PHF24: variants seen among roughly 807,000 people sequenced by gnomAD.
PHF24 encodes Galpha inhibitory interacting protein.
A neutral mutation model predicts 42.6 loss-of-function variants in PHF24; 25 were observed. That is an observed-to-expected ratio of 0.59 (90% CI 0.43 to 0.82). The LOEUF is 0.82. PHF24 is among the 40% of genes least tolerant of loss of function. The pLI is 0.00. For synonymous variants in PHF24, 185 were observed against 204.8 expected (o/e 0.90, Z 0.83); for missense variants, 470 against 538.1 (o/e 0.87, Z 1.25).
At chr9:34,806,498 A>G in the PHF24 span, among the ~76,000 whole-genome samples, 24 of 152,286 alleles carry the variant, frequency 1.6e-4, no homozygotes, top group South Asian at 1.0e-3. Context: ...TCACTCTGTC[A>G]CCCAGGCTGG....
At chr9:34,956,191 T>C (rs746012860), upstream of PHF24, among the ~76,000 whole-genome samples, 4 of 152,210 alleles carry the variant, frequency 2.6e-5, no homozygotes, top group Admixed American at 6.5e-5. Context: ...GGGAAAGTAC[T>C]GTGTCTTACT....
the PHF24 span, among the ~76,000 whole-genome samples, chr9:34,911,978 A>G: frequency 6.6e-6 from 1 of 152,262 alleles, no homozygotes; most frequent in South Asian, 2.1e-4. Context: ...AGGAACAGAT[A>G]GCAAAAACTG....
At chr9:34,886,750 A>ATCTGTCTGTCTGTCTG in the PHF24 span, among the ~76,000 whole-genome samples, 276 of 146,682 alleles carry the variant, frequency 1.9e-3, 1 homozygote, top group African/African-American at 6.6e-3. Flanking sequence ...CTATCTATCT[A>ATCTGTCTGTCTGTCTG]TCTATCTGTC....
At chr9:34,670,317 G>A in the PHF24 span, among the ~76,000 whole-genome samples, 3 of 152,180 alleles carry the variant, frequency 2.0e-5, no homozygotes, top group Non-Finnish European at 2.9e-5. Flanking sequence ...CCAGAAATGT[G>A]GGTGGCTTGG....
chr9:34,710,099 C>T, the PHF24 span: 6 of 1,600,556 alleles, frequency 3.7e-6, no homozygotes, highest in Non-Finnish European at 5.1e-6. Context: ...GAGGCCAGAG[C>T]TGAGGGTGAG....
chr9:34,898,109 A>G, the PHF24 span, among the ~76,000 whole-genome samples: 36 of 152,254 alleles, frequency 2.4e-4, no homozygotes, highest in South Asian at 3.1e-3. Flanking sequence ...CGTTTTTGCG[A>G]TTGCAAATTG....
chr9:34,924,994 T>C, the PHF24 span, among the ~76,000 whole-genome samples: 2 of 152,198 alleles, frequency 1.3e-5, no homozygotes, highest in African/African-American at 4.8e-5. Context: ...GTAATCATCT[T>C]TTCAATTCCA....
At chr9:34,742,382 G>A in the PHF24 span, among the ~76,000 whole-genome samples, 1 of 152,078 alleles carries the variant, frequency 6.6e-6, no homozygotes, top group Non-Finnish European at 1.5e-5. Context: ...CTCTGACCGT[G>A]GCCCAGTCTT....
chr9:34,940,731 G>T, the PHF24 span, among the ~76,000 whole-genome samples: 1 of 152,188 alleles, frequency 6.6e-6, no homozygotes, highest in African/African-American at 2.4e-5. Context: ...TCTCCAGCTG[G>T]AGTTGTGTAA....
rs1362384690 is a variant in PHF24 at position 34,977,527 on chromosome 9, G to A, written c.1011-19G>A. 3.1e-6 allele frequency: 5 copies of A among 1,596,344 alleles called. No homozygotes were observed. Among genetic ancestry groups the A allele is most frequent in the African/African-American group, 2.7e-5 (2 of 74,436 alleles). On this transcript the variant is annotated intron_variant, in intron 6 of 7. Coordinates refer to ENST00000242315, the Ensembl canonical transcript of PHF24. ...ATTTCACTATCCCACTCCTAACCAC[G>A]TGTCCTCATGCCCAGCAGCATCAGC...
the PHF24 span, among the ~76,000 whole-genome samples, chr9:34,788,227 G>T: frequency 6.6e-6 from 1 of 152,204 alleles, no homozygotes; most frequent in East Asian, 1.9e-4. Context: ...ATTTTTAGTA[G>T]AGACAAGGTC....
At chr9:34,933,804 C>A in the PHF24 span, among the ~76,000 whole-genome samples, 1 of 151,172 alleles carries the variant, frequency 6.6e-6, no homozygotes, top group Non-Finnish European at 1.5e-5. Flanking sequence ...GACAGAGTCT[C>A]GCTCTGTCAC....
chr9:34,970,522 T>A (rs918256844), intron 1 of PHF24, among the ~76,000 whole-genome samples: 7 of 152,176 alleles, frequency 4.6e-5, no homozygotes, highest in African/African-American at 1.7e-4. Context: ...CAGAGTTTCC[T>A]TACTGACTAA....
chr9:34,730,209 TTTTG>T, the PHF24 span, among the ~76,000 whole-genome samples: 29 of 152,314 alleles, frequency 1.9e-4, no homozygotes, highest in Admixed American at 1.2e-3. Context: ...AGGATGTTTT[TTTTG>T]TTTGTTTGTT....
the PHF24 span, among the ~76,000 whole-genome samples, chr9:34,858,552 G>A: frequency 3.0e-4 from 46 of 152,332 alleles, no homozygotes; most frequent in Admixed American, 2.7e-3. Context: ...GGGTGAGGAT[G>A]TAAGAACCAT....
the PHF24 span, among the ~76,000 whole-genome samples, chr9:34,939,549 TGTCA>T: frequency 3.9e-5 from 6 of 152,202 alleles, no homozygotes; most frequent in Non-Finnish European, 7.3e-5. Flanking sequence ...CAGAGTTGTC[TGTCA>T]GAGGAGTCCT....
the PHF24 span, among the ~76,000 whole-genome samples, chr9:34,914,952 ATT>A: frequency 0.79 from 93,668 of 118,506 alleles, 37,196 homozygotes; most frequent in Middle Eastern, 0.88. Context: ...TGCCTGGCTA[ATT>A]TTTTTTTTTT....
chr9:34,825,118 T>C, the PHF24 span, among the ~76,000 whole-genome samples: 2 of 152,008 alleles, frequency 1.3e-5, no homozygotes, highest in African/African-American at 4.8e-5. Context: ...TTCTTCATGG[T>C]TTCCCGAGGA....
the PHF24 span, among the ~76,000 whole-genome samples, chr9:34,681,948 C>CA: frequency 7.2e-5 from 11 of 152,302 alleles, no homozygotes; most frequent in African/African-American, 2.7e-4. Flanking sequence ...TTGCAAGCCA[C>CA]AAAAAAAGCC....
Sources: gnomAD v4.1 joint callset for allele counts (sites outside exome capture counted in the v4.1 genomes callset) on GRCh38, gnomAD v4.1.1 for gene constraint, MANE v1.5 for transcripts, NCBI Gene and HGNC (gene_info 2026-07-23, HGNC 2026-07-21) for gene names.